Variants in SLC9A9 observed in about 807,000 individuals in gnomAD.
The protein encoded by SLC9A9 is sodium/hydrogen exchanger 9.
In SLC9A9, 62 loss-of-function variants were observed where a neutral mutation model predicts 77.8. That is an observed-to-expected ratio of 0.80 (90% CI 0.65 to 0.98). The LOEUF is 0.98. SLC9A9 is among the 50% of genes least tolerant of loss of function. The pLI, the probability that SLC9A9 is intolerant of heterozygous loss-of-function variation, is 0.00. For missense variants in SLC9A9, 775 were observed against 774.9 expected (o/e 1.00, Z 0.00); for synonymous variants, 320 against 283.5 (o/e 1.13, Z -1.29).
At chr3:143,654,378 T>G (rs1480809541) in intron 5 of SLC9A9, among the ~76,000 whole-genome samples, 2 of 152,246 alleles carry the variant, frequency 1.3e-5, no homozygotes, top group Non-Finnish European at 2.9e-5. Context: ...GAATCAATTT[T>G]ATTATTCTAG....
At chr3:143,371,974 C>T (rs778887080) in intron 13 of SLC9A9, 32 of 415,152 alleles carry the variant, frequency 7.7e-5, no homozygotes, top group South Asian at 5.5e-4. Flanking sequence ...ACAACAGCTT[C>T]AAAGAAAGAT....
chr3:143,390,259 C>T (rs1158803994), intron 12 of SLC9A9, among the ~76,000 whole-genome samples: 2 of 152,210 alleles, frequency 1.3e-5, no homozygotes, highest in East Asian at 3.8e-4. Context: ...TAACTCTTTG[C>T]TGACACAGTT....
chr3:143,834,314 G>A (rs756209064), intron 1 of SLC9A9, among the ~76,000 whole-genome samples: 1 of 151,952 alleles, frequency 6.6e-6, no homozygotes, highest in East Asian at 1.9e-4. Context: ...AATAAAACTA[G>A]TCAGGAGCAA....
intron 5 of SLC9A9, among the ~76,000 whole-genome samples, chr3:143,663,911 A>G (rs1198929976): frequency 6.6e-6 from 1 of 152,224 alleles, no homozygotes; most frequent in African/African-American, 2.4e-5. Context: ...ACTCTGCAGG[A>G]TATTATCCAG....
intron 14 of SLC9A9, among the ~76,000 whole-genome samples, chr3:143,339,085 C>T (rs992999179): frequency 2.6e-5 from 4 of 152,186 alleles, no homozygotes; most frequent in African/African-American, 9.7e-5. Context: ...CTGTCTCCTA[C>T]ACAAGGCACT....
chr3:143,470,638 G>C (rs780893834), intron 11 of SLC9A9, among the ~76,000 whole-genome samples: 4 of 152,136 alleles, frequency 2.6e-5, no homozygotes, highest in Non-Finnish European at 4.4e-5. Flanking sequence ...AGTTCTCATT[G>C]ATATAAATAT....
chr3:143,709,808 G>T (rs902438862), intron 4 of SLC9A9, among the ~76,000 whole-genome samples: 2 of 152,172 alleles, frequency 1.3e-5, no homozygotes, highest in Non-Finnish European at 2.9e-5. Context: ...GAGTGGGAGA[G>T]GGGGAGTGAA....
intron 6 of SLC9A9, among the ~76,000 whole-genome samples, chr3:143,606,400 A>ATCTCTCTC (rs746582477): frequency 0.02 from 1,513 of 76,308 alleles, 43 homozygotes; most frequent in Non-Finnish European, 0.026. Context: ...GAAAGAGTGA[A>ATCTCTCTC]TCTCTCTCTC....
chr3:143,611,798 A>G (rs1422123494), intron 6 of SLC9A9, among the ~76,000 whole-genome samples: 1 of 152,166 alleles, frequency 6.6e-6, no homozygotes, highest in African/African-American at 2.4e-5. Flanking sequence ...CAGTGATCCG[A>G]TCATGGCTCA....
In SLC9A9 at chr3:143,844,694, A is replaced by G. The variant is rs1576767110; in HGVS notation, c.175+3454T>C. On this transcript the variant is annotated intron_variant, in intron 1 of 15. Coordinates refer to ENST00000316549, the MANE Select transcript of SLC9A9 (RefSeq NM_173653.4). ...ACTTCCTTAAGAACAAGAAATTTTA[A>G]AAGTTTAACTTTCTTTCTCTTTCTT... is the stretch of plus-strand genomic sequence containing the variant. 3.3e-5 allele frequency among the ~76,000 whole-genome samples: 5 copies of G among 152,068 alleles called. 1 individual carries two copies. In the South Asian group the frequency reaches 1.0e-3, roughly 32 times the overall value.
intron 14 of SLC9A9, among the ~76,000 whole-genome samples, chr3:143,291,706 G>A (rs1357517579): frequency 6.6e-6 from 1 of 152,222 alleles, no homozygotes; most frequent in East Asian, 1.9e-4. Flanking sequence ...AGTCTGTCTT[G>A]AAAGATTTTT....
intron 4 of SLC9A9, among the ~76,000 whole-genome samples, chr3:143,707,217 A>C (rs1208519293): frequency 2.0e-5 from 3 of 152,134 alleles, no homozygotes; most frequent in Non-Finnish European, 2.9e-5. Context: ...CAGGACACTT[A>C]TCTGTCATTG....
chr3:143,520,850 T>G (rs1170630545), intron 9 of SLC9A9, among the ~76,000 whole-genome samples: 1 of 152,214 alleles, frequency 6.6e-6, no homozygotes, highest in African/African-American at 2.4e-5. Flanking sequence ...GAACATTTTA[T>G]GATATACTGA....
chr3:143,296,599 T>G (rs964155224), intron 14 of SLC9A9, among the ~76,000 whole-genome samples: 1 of 152,218 alleles, frequency 6.6e-6, no homozygotes, highest in African/African-American at 2.4e-5. Context: ...TGCTAGATCA[T>G]ATGGTAGTTC....
chr3:143,700,369 G>A (rs1299763124), intron 4 of SLC9A9, among the ~76,000 whole-genome samples: 1 of 152,198 alleles, frequency 6.6e-6, no homozygotes, highest in Non-Finnish European at 1.5e-5. Flanking sequence ...GCAGGACAGA[G>A]CACCAGGCAG....
chr3:143,560,776 A>G (rs1421617573), intron 8 of SLC9A9, among the ~76,000 whole-genome samples: 1 of 152,070 alleles, frequency 6.6e-6, no homozygotes, highest in Non-Finnish European at 1.5e-5. Context: ...TCACAATGTT[A>G]TAAGGCTGTC....
chr3:143,702,619 C>T (rs1378839675), intron 4 of SLC9A9, among the ~76,000 whole-genome samples: 1 of 151,612 alleles, frequency 6.6e-6, no homozygotes, highest in Non-Finnish European at 1.5e-5. Context: ...CAGAGAACAT[C>T]ACCTTCATTA....
intron 12 of SLC9A9, among the ~76,000 whole-genome samples, chr3:143,405,976 G>A (rs1432837994): frequency 6.6e-6 from 1 of 152,052 alleles, no homozygotes; most frequent in Non-Finnish European, 1.5e-5. Flanking sequence ...TGCCTTTTTT[G>A]TTGAAGAGAA....
intron 14 of SLC9A9, among the ~76,000 whole-genome samples, chr3:143,277,026 T>TATCA (rs1938071001): frequency 6.6e-6 from 1 of 152,220 alleles, no homozygotes; most frequent in African/African-American, 2.4e-5. Flanking sequence ...AGCATCTACC[T>TATCA]ATCAAATGTT....
Sources: gnomAD v4.1 joint callset for allele counts (sites outside exome capture counted in the v4.1 genomes callset) on GRCh38, gnomAD v4.1.1 for gene constraint, MANE v1.5 for transcripts, NCBI Gene and HGNC (gene_info 2026-07-23, HGNC 2026-07-21) for gene names.